CAMTA1: variants seen among roughly 807,000 people sequenced by gnomAD.
CAMTA1 encodes the protein calmodulin binding transcription activator 1, also known as calmodulin-binding transcription activator 1.
In CAMTA1, 27 loss-of-function variants were observed where a neutral mutation model predicts 170.9. The ratio of observed to expected loss-of-function variants is 0.16; its 90% CI spans 0.12 to 0.22. The LOEUF (loss-of-function observed/expected upper bound fraction) is 0.22. Among genes scored for constraint, CAMTA1 ranks in the 10% least tolerant of loss-of-function variants. The pLI is 1.00. For missense variants in CAMTA1, 1,619 were observed against 2,217.2 expected (o/e 0.73, Z 5.42); for synonymous variants, 833 against 891.5 (o/e 0.93, Z 1.17).
chr1:7,479,454 C>T (rs577635642), intron 6 of CAMTA1, among the ~76,000 whole-genome samples: 20 of 152,280 alleles, frequency 1.3e-4, no homozygotes, highest in Non-Finnish European at 2.4e-4. Context: ...ATGGGCAGGA[C>T]GTCCTGGGGG....
chr1:7,415,524 T>G (rs1374613586), intron 5 of CAMTA1, among the ~76,000 whole-genome samples: 2 of 152,188 alleles, frequency 1.3e-5, no homozygotes, highest in African/African-American at 4.8e-5. Flanking sequence ...TGGCCTTCTT[T>G]GTCTCTTTTG....
chr1:7,492,402 G>A (rs923514583), intron 6 of CAMTA1, among the ~76,000 whole-genome samples: 1 of 152,084 alleles, frequency 6.6e-6, no homozygotes, highest in African/African-American at 2.4e-5. Flanking sequence ...ATCCTCAGCT[G>A]GGGTGTGCAC....
chr1:6,832,685 T>C (rs1650903321), intron 3 of CAMTA1, among the ~76,000 whole-genome samples: 1 of 152,132 alleles, frequency 6.6e-6, no homozygotes, highest in African/African-American at 2.4e-5. Flanking sequence ...TCAGTTAACC[T>C]TTAGGTAGGG....
At chr1:6,964,162 G>A (rs11120799) in intron 3 of CAMTA1, among the ~76,000 whole-genome samples, 8,108 of 152,126 alleles carry the variant, frequency 0.053, 234 homozygotes, top group African/African-American at 0.062. Flanking sequence ...ATCTGGGTAG[G>A]TTCAGTGTCC....
At chr1:7,284,255 G>A (rs890617631) in intron 5 of CAMTA1, among the ~76,000 whole-genome samples, 22 of 150,180 alleles carry the variant, frequency 1.5e-4, no homozygotes, top group Non-Finnish European at 2.5e-4. Flanking sequence ...CCAGGCTGGA[G>A]TGCAGTGGCG....
chr1:6,833,596 C>A (rs140214516), intron 3 of CAMTA1, among the ~76,000 whole-genome samples: 1 of 152,254 alleles, frequency 6.6e-6, no homozygotes. Flanking sequence ...TTATTTTATA[C>A]TGAGAAGCTG....
chr1:7,478,317 C>T (rs903728566), intron 6 of CAMTA1, among the ~76,000 whole-genome samples: 6 of 152,228 alleles, frequency 3.9e-5, no homozygotes, highest in East Asian at 1.9e-4. Flanking sequence ...CAGCCTCAGG[C>T]GGGAATCTGG....
chr1:7,612,775 G>A (rs1337282520), intron 6 of CAMTA1, among the ~76,000 whole-genome samples: 1 of 152,252 alleles, frequency 6.6e-6, no homozygotes, highest in African/African-American at 2.4e-5. Flanking sequence ...ACAGATGGCT[G>A]AGGCCATCCC....
intron 3 of CAMTA1, among the ~76,000 whole-genome samples, chr1:6,895,942 G>A (rs182342891): frequency 6.6e-6 from 1 of 152,096 alleles, no homozygotes; most frequent in Non-Finnish European, 1.5e-5. Flanking sequence ...AGGGCAGGGG[G>A]CCCTGTCTAT....
At chr1:6,937,810 CTGT>C (rs1685716630) in intron 3 of CAMTA1, among the ~76,000 whole-genome samples, 9 of 150,590 alleles carry the variant, frequency 6.0e-5, no homozygotes, top group South Asian at 2.1e-4. Flanking sequence ...ACCATCATCA[CTGT>C]CATCACTACC....
At chr1:7,467,769 TCTTCCTTC>T (rs953075212) in intron 5 of CAMTA1, 53 bp from the exon 6 acceptor site, 5 of 1,390,050 alleles carry the variant, frequency 3.6e-6, no homozygotes, top group Non-Finnish European at 2.0e-6. Context: ...TGTTGCGCCG[TCTTCCTTC>T]CTTCCTTCCT....
intron 5 of CAMTA1, among the ~76,000 whole-genome samples, chr1:7,289,151 C>T (rs1672758483): frequency 6.6e-6 from 1 of 152,068 alleles, no homozygotes; most frequent in African/African-American, 2.4e-5. Context: ...AGAACAGCAC[C>T]GAGGAGGAAA....
At chr1:7,218,305 ATTTTGGG>A in intron 4 of CAMTA1, among the ~76,000 whole-genome samples, 1 of 151,904 alleles carries the variant, frequency 6.6e-6, no homozygotes, top group Non-Finnish European at 1.5e-5. Flanking sequence ...TATGGTTGGG[ATTTTGGG>A]GTAAGTGTCG....
intron 3 of CAMTA1, among the ~76,000 whole-genome samples, chr1:6,866,471 G>T (rs1666607510): frequency 6.6e-6 from 1 of 152,188 alleles, no homozygotes; most frequent in Non-Finnish European, 1.5e-5. Flanking sequence ...AAAATCAACA[G>T]TCGGTGAATT....
chr1:7,015,675 A>C (rs1262035591), intron 3 of CAMTA1, among the ~76,000 whole-genome samples: 1 of 152,230 alleles, frequency 6.6e-6, no homozygotes, highest in Non-Finnish European at 1.5e-5. Flanking sequence ...CATTGCTATA[A>C]AGAACTACCT....
Position 7,376,572 on chromosome 1 carries a change from G to A in CAMTA1, c.439-91258G>A, listed in dbSNP as rs374827337. Among the ~76,000 whole-genome samples, 9 of 152,354 alleles carry A rather than the reference G, an allele frequency of 5.9e-5. No individual in the cohort carries two copies. The East Asian group carries it at 1.2e-3, about 20-fold the overall frequency. On this transcript the variant is annotated intron_variant, in intron 5 of 22. Transcript: ENST00000303635. Reference sequence around the variant, plus strand: ...TGAACTCATGCAGCAGAAGGGGTCAGTATTAGCTGGGCTTCATTGTCCTCC... The same window carrying A: ...TGAACTCATGCAGCAGAAGGGGTCAATATTAGCTGGGCTTCATTGTCCTCC...
At chr1:6,904,733 ATTTTTTTTTTTTTTTTTTTT>A (rs70984036) in intron 3 of CAMTA1, among the ~76,000 whole-genome samples, 2 of 70,996 alleles carry the variant, frequency 2.8e-5, no homozygotes, top group African/African-American at 1.2e-4. Context: ...TGCCCAGCTA[ATTTTTTTTTTTTTTTTTTTT>A]TTTTTTTTTT....
intron 1 of CAMTA1, among the ~76,000 whole-genome samples, chr1:6,818,468 A>G (rs1646090358): frequency 6.6e-6 from 1 of 152,178 alleles, no homozygotes; most frequent in Non-Finnish European, 1.5e-5. Flanking sequence ...TTTGGGTGGT[A>G]CCTTTGAATT....
chr1:7,267,706 C>A (rs747476101), intron 5 of CAMTA1, among the ~76,000 whole-genome samples: 1 of 152,154 alleles, frequency 6.6e-6, no homozygotes, highest in African/African-American at 2.4e-5. Flanking sequence ...CTGTGATGGG[C>A]TTTTGTCACA....
Sources: allele counts gnomAD v4.1 joint callset (sites outside exome capture counted in the v4.1 genomes callset), GRCh38; gene constraint gnomAD v4.1.1; transcripts MANE v1.5; gene names NCBI Gene and HGNC (gene_info 2026-07-23, HGNC 2026-07-21).